NPM1: variants seen among roughly 807,000 people sequenced by gnomAD.
NPM1 encodes nucleophosmin 1, also known as nucleophosmin.
A neutral mutation model predicts 44.1 loss-of-function variants in NPM1; 1 was observed. That is an observed-to-expected ratio of 0.02 (90% CI 0.01 to 0.11). The LOEUF (loss-of-function observed/expected upper bound fraction) is 0.11. Among genes scored for constraint, NPM1 ranks in the 10% least tolerant of loss-of-function variants. The probability of loss-of-function intolerance (pLI) is 1.00; values close to 1 mark genes in which losing one functional copy is unlikely to be tolerated. For synonymous variants in NPM1, 126 were observed against 111.8 expected, an observed-to-expected ratio of 1.13 and a Z score of -0.80; for missense variants, 197 against 347.8, an observed-to-expected ratio of 0.57 and a Z score of 3.45.
At position 171,405,402 on chromosome 5, in the gene NPM1, AAGTG is replaced by A. The variant is rs766698641; in HGVS notation, c.771+3_771+6del. The A allele has an allele frequency of 2.1e-6, 3 of 1,411,290 alleles. No individual in the cohort carries two copies. The highest frequency in any genetic ancestry group is 3.0e-6 in the Non-Finnish European group (3 of 1,004,972). The allele number at this position is 1,411,290 out of a possible 1,614,324, so 87.4% of individuals were successfully genotyped here. On this transcript the variant is annotated splice_donor_variant and splice_donor_region_variant and coding_sequence_variant and intron_variant, in exon 9 of 11. Transcript: ENST00000296930. LOFTEE classifies it high-confidence loss of function. ...GCAAAAATGCAAGCAAGTATAGAAAAAGTGAGTAAAGTTATCTTAAAAAAACTTT... is the reference window on the plus strand; with the variant it reads ...GCAAAAATGCAAGCAAGTATAGAAAAAGTAAAGTTATCTTAAAAAAACTTT...
chr5:171,398,766 G>A (rs1771040296), intron 6 of NPM1, among the ~76,000 whole-genome samples: 1 of 152,128 alleles, frequency 6.6e-6, no homozygotes, highest in Non-Finnish European at 1.5e-5. Context: ...GCGAGACTCC[G>A]CCTCAAAAAA....
chr5:171,410,015 CAA>C (rs1462250497), intron 10 of NPM1, among the ~76,000 whole-genome samples: 2 of 151,882 alleles, frequency 1.3e-5, no homozygotes, highest in African/African-American at 4.8e-5. Flanking sequence ...AGGCTGGTCT[CAA>C]ATTCCTGAGC....
At chr5:171,404,200 C>G (rs1308066798) in intron 8 of NPM1, among the ~76,000 whole-genome samples, 1 of 105,018 alleles carries the variant, frequency 9.5e-6, no homozygotes, top group Admixed American at 9.1e-5. Flanking sequence ...CCCCACCTCC[C>G]TCCCAGATAG....
intron 5 of NPM1, 39 bp downstream of exon 5, chr5:171,392,855 C>G (rs1328565686): frequency 1.2e-6 from 2 of 1,612,894 alleles, no homozygotes; most frequent in South Asian, 1.1e-5. Flanking sequence ...TGTATTATAG[C>G]TTTTAGTTTG....
intron 6 of NPM1, among the ~76,000 whole-genome samples, chr5:171,395,824 ACT>A (rs1021030243): frequency 2.6e-5 from 4 of 152,048 alleles, no homozygotes; most frequent in Non-Finnish European, 5.9e-5. Flanking sequence ...GGCTCAGATG[ACT>A]CTTGATTTAA....
At chr5:171,408,987 G>A (rs1049190590) in intron 10 of NPM1, among the ~76,000 whole-genome samples, 4 of 152,074 alleles carry the variant, frequency 2.6e-5, no homozygotes, top group Non-Finnish European at 4.4e-5. Flanking sequence ...TCTACAAGAA[G>A]TATTTTCTTT....
chr5:171,392,919 A>C lies in NPM1; in HGVS notation c.465A>C (p.Lys155Asn), dbSNP rs1454882046. Residue 155 changes from lysine (K) to asparagine (N), a missense_variant, in exon 6 of 11, where the codon AAA (lysine) becomes AAC (asparagine). Physicochemically the swap from Lys to Asn is moderately conservative, Grantham distance 94. Coordinates refer to ENST00000296930, the MANE Select transcript of NPM1 (RefSeq NM_002520.7). Reference protein sequence around the residue: ...PGGGSKVPQKKVKLAADEDDD... With the variant: ...PGGGSKVPQKNVKLAADEDDD... Reference sequence around the variant, plus strand: ...CGTATCTTTTCTTTTAAAAGAAAAAAGTAAAACTTGCTGCTGATGAAGATG... The same window carrying C: ...CGTATCTTTTCTTTTAAAAGAAAAACGTAAAACTTGCTGCTGATGAAGATG... 6.2e-7 allele frequency: 1 copy of C among 1,612,108 alleles called. No homozygotes were observed. The highest frequency in any genetic ancestry group is 8.5e-7 in the Non-Finnish European group (1 of 1,178,232).
chr5:171,403,779 A>T (rs1464501888), intron 8 of NPM1, among the ~76,000 whole-genome samples: 31 of 96,972 alleles, frequency 3.2e-4, no homozygotes, highest in African/African-American at 5.1e-4. Context: ...CTGGCCGGGC[A>T]GAGGGGCTCC....
intron 8 of NPM1, among the ~76,000 whole-genome samples, chr5:171,402,563 C>T (rs1263032549): frequency 1.4e-5 from 2 of 140,992 alleles, no homozygotes; most frequent in Non-Finnish European, 3.1e-5. Flanking sequence ...TTCACTGCAG[C>T]ACTATTCACA....
Position 171,391,718 on chromosome 5 carries a change from G to A in NPM1, c.271G>A (p.Gly91Ser). The change falls in exon 4 of 11, where the codon GGC becomes AGC. Residue 91 changes from glycine to serine, a missense_variant. By Grantham distance (56) the Gly-to-Ser change is moderately conservative. Around this residue, in one of 5 missense-constraint regions of NPM1, gnomAD observed 43 missense variants for 109.6 expected, o/e 0.39. Transcript: ENST00000296930. ...MSVQPTVSLG[G>S]FEITPPVVLR... is the part of the protein sequence containing the mutation. ...TTCTCCCTTCTAGGTTTCCCTTGGG[G>A]GCTTTGAAATAACACCACCAGTGGT... is the stretch of plus-strand genomic sequence containing the variant. 1 of 1,609,594 alleles carries A rather than the reference G, an allele frequency of 6.2e-7. No homozygotes were observed. The highest frequency in any genetic ancestry group is 8.5e-7 in the Non-Finnish European group (1 of 1,177,524).
intron 9 of NPM1, chr5:171,405,709 G>C (rs1771529150): frequency 3.2e-6 from 1 of 309,806 alleles, no homozygotes; most frequent in African/African-American, 2.3e-5. Flanking sequence ...TGCCTATTCT[G>C]GTTGTAAGAT....
At chr5:171,407,952 T>C (rs1477494710) in intron 10 of NPM1, among the ~76,000 whole-genome samples, 178 bp downstream of exon 10, 1 of 152,196 alleles carries the variant, frequency 6.6e-6, no homozygotes, top group Non-Finnish European at 1.5e-5. Context: ...AAGAATACAG[T>C]TGGCAGTCTG....
chr5:171,410,480 T>C (rs1771768588), intron 10 of NPM1, 47 bp from the exon 11 acceptor site: 6 of 1,210,830 alleles, frequency 5.0e-6, no homozygotes, highest in African/African-American at 4.6e-5. Context: ...TTGATGTCTA[T>C]GAAGTGTTGT....
intron 9 of NPM1, 160 bp from the exon 10 acceptor site, chr5:171,407,540 T>C (rs1045922750): frequency 6.3e-6 from 4 of 635,960 alleles, no homozygotes; most frequent in Non-Finnish European, 1.1e-5. Context: ...CCAATAGGGC[T>C]TTCTGGCCCT....
chr5:171,391,265 G>A (rs1161973730), intron 2 of NPM1, 40 bp from the exon 3 acceptor site: 1 of 1,599,890 alleles, frequency 6.3e-7, no homozygotes, highest in Non-Finnish European at 8.5e-7. Flanking sequence ...AAAATAGGTG[G>A]AACTCAAAAG....
chr5:171,393,223 A>G (rs190327811), intron 6 of NPM1, among the ~76,000 whole-genome samples: 3 of 152,294 alleles, frequency 2.0e-5, no homozygotes, highest in East Asian at 1.9e-4. Context: ...AGGGTAGACT[A>G]TAGTGTTTGT....
chr5:171,394,492 G>GT (rs1339901308), intron 6 of NPM1, among the ~76,000 whole-genome samples: 1 of 152,054 alleles, frequency 6.6e-6, no homozygotes, highest in African/African-American at 2.4e-5. Context: ...TCTTGAGATG[G>GT]TGTTTTACCA....
intron 6 of NPM1, among the ~76,000 whole-genome samples, chr5:171,396,312 C>T (rs1770881489): frequency 1.3e-5 from 2 of 152,058 alleles, no homozygotes; most frequent in Admixed American, 1.3e-4. Flanking sequence ...GTTTTGATAG[C>T]TATTTTGATA....
intron 6 of NPM1, among the ~76,000 whole-genome samples, chr5:171,398,578 C>T (rs1031231795): frequency 2.6e-5 from 4 of 152,118 alleles, no homozygotes; most frequent in East Asian, 1.9e-4. Flanking sequence ...TGAGACTATC[C>T]TGGCCAATTT....
Sources: allele counts gnomAD v4.1 joint callset (sites outside exome capture counted in the v4.1 genomes callset), GRCh38; gene constraint gnomAD v4.1.1; regional missense constraint gnomAD v4.1.1; transcripts MANE v1.5; gene names NCBI Gene and HGNC (gene_info 2026-07-23, HGNC 2026-07-21).